Variants in CEACAM20 observed in about 807,000 individuals in gnomAD.
The protein encoded by CEACAM20 is cell adhesion molecule CEACAM20.
A neutral mutation model predicts 61.2 loss-of-function variants in CEACAM20; 50 were observed. That is an observed-to-expected ratio of 0.82 (90% CI 0.65 to 1.03). CEACAM20 has a LOEUF of 1.03. CEACAM20 is among the 50% of genes least tolerant of loss of function. CEACAM20 has a pLI of 0.00. For missense variants in CEACAM20, 683 were observed against 736.4 expected (o/e 0.93, Z 0.84); for synonymous variants, 282 against 287.7 (o/e 0.98, Z 0.20).
chr19:44,522,646 C>T lies in CEACAM20; in HGVS notation c.739G>A (p.Val247Ile), dbSNP rs773887584. 17 of 1,613,100 alleles carry T rather than the reference C, an allele frequency of 1.1e-5. No homozygotes were observed. The East Asian group carries it at 1.8e-4, about 17-fold the overall frequency. Residue 247 changes from valine (V) to isoleucine (I), a missense_variant, in exon 4 of 12, where the codon GTC becomes ATC. By Grantham distance (29) the Val-to-Ile change is conservative. Transcript: ENST00000614924. ...AAAGGAGACTCACCAAGTACTCGGA[C>T]CTTCAGAGTACCCAGGCTGGACAGG... ...THLSSLGTLKVRVLETLTMPQ... is the reference protein window; with the variant it reads ...THLSSLGTLKIRVLETLTMPQ...
chr19:44,517,211 T>G lies in CEACAM20; in HGVS notation c.1044A>C (p.Gln348His). ...LELTINYGPD[Q>H]VHITRESASE... ...ATGCCGACTCCCTGGTGATGTGCAC[T>G]TGGTCAGGACCATCTGTGTGTAAAG... is the stretch of plus-strand genomic sequence containing the variant. The change falls in exon 6 of 12, where the codon CAA becomes CAC. Residue 348 changes from glutamine (Q) to histidine (H), a missense_variant. Physicochemically the swap from Gln to His is conservative, Grantham distance 24. Coordinates refer to ENST00000614924, the MANE Select transcript of CEACAM20 (RefSeq NM_001102597.3). The G allele has an allele frequency of 6.2e-7, 1 of 1,606,308 alleles. No homozygotes were observed.
intron 9 of CEACAM20, 126 bp downstream of exon 9, chr19:44,511,891 G>T: frequency 1.0e-6 from 1 of 968,798 alleles, no homozygotes; most frequent in Non-Finnish European, 1.6e-6. Context: ...CAGAGGAGGA[G>T]ATGCAGAGAG....
chr19:44,523,857 A>T (rs1971442408), intron 3 of CEACAM20, 129 bp downstream of exon 3: 7 of 1,019,266 alleles, frequency 6.9e-6, no homozygotes, highest in Middle Eastern at 3.3e-4. Flanking sequence ...GAGATGTCAA[A>T]CAGTTATATG....
At chr19:44,525,600 G>A (rs888033169) in intron 1 of CEACAM20, among the ~76,000 whole-genome samples, 4 of 152,094 alleles carry the variant, frequency 2.6e-5, no homozygotes, top group African/African-American at 7.2e-5. Context: ...AGGCCACCAT[G>A]CCCGGCTAAT....
intron 3 of CEACAM20, among the ~76,000 whole-genome samples, chr19:44,523,433 GAATGAA>G (rs1971430975): frequency 6.6e-6 from 1 of 151,998 alleles, no homozygotes; most frequent in Non-Finnish European, 1.5e-5. Context: ...ATGAATGAAT[GAATGAA>G]TGAATGAATA....
At chr19:44,510,843 G>A (rs1303125772) in intron 11 of CEACAM20, among the ~76,000 whole-genome samples, 187 bp downstream of exon 11, 4 of 152,168 alleles carry the variant, frequency 2.6e-5, no homozygotes, top group East Asian at 1.9e-4. Flanking sequence ...AATGGAGTGC[G>A]TTGGAAAGGA....
rs1289656569 is a variant in CEACAM20 at position 44,529,517 on chromosome 19, G to A, written c.-8C>T. ...TGAGTCAGCAGGCCCCATGGGTCCCGGCACCTGACTTCAGTGTGCCAGGCC... is the reference window on the plus strand; with the variant it reads ...TGAGTCAGCAGGCCCCATGGGTCCCAGCACCTGACTTCAGTGTGCCAGGCC... On this transcript the variant is annotated 5_prime_UTR_variant, in exon 1 of 12. Coordinates refer to ENST00000614924, the MANE Select transcript of CEACAM20 (RefSeq NM_001102597.3). The A allele has an allele frequency of 5.6e-6, 9 of 1,613,464 alleles. No homozygotes were observed. The highest frequency in any genetic ancestry group is 7.6e-6 in the Non-Finnish European group (9 of 1,179,706).
At chr19:44,522,529 C>T (rs1971395605) in intron 4 of CEACAM20, 105 bp downstream of exon 4, 4 of 1,232,914 alleles carry the variant, frequency 3.2e-6, no homozygotes, top group African/African-American at 1.5e-5. Flanking sequence ...TTCTCCCTCA[C>T]ACAGTATCCA....
chr19:44,528,429 TTGGCTAGGC>T (rs1367930547), intron 1 of CEACAM20, among the ~76,000 whole-genome samples: 1 of 152,152 alleles, frequency 6.6e-6, no homozygotes, highest in Non-Finnish European at 1.5e-5. Context: ...TTTCACCATC[TTGGCTAGGC>T]TGGTCTTGAA....
chr19:44,511,759 A>C, intron 9 of CEACAM20, 87 bp from the exon 10 acceptor site: 1 of 1,318,588 alleles, frequency 7.6e-7, no homozygotes, highest in Non-Finnish European at 1.1e-6. Context: ...TTGGCCTCAG[A>C]GGCAATTATA....
Position 44,511,620 on chromosome 19 carries a change from C to G in CEACAM20, c.1611+17G>C, listed in dbSNP as rs745451425. 95 of 1,610,812 alleles carry G rather than the reference C, an allele frequency of 5.9e-5. No individual in the cohort carries two copies. The highest frequency in any genetic ancestry group is 3.3e-4 in the Middle Eastern group (2 of 6,080). On this transcript the variant is annotated intron_variant, in intron 10 of 11. Coordinates refer to ENST00000614924, the MANE Select transcript of CEACAM20 (RefSeq NM_001102597.3). ...CCTTCATAGATTCTTTAACCAAACC[C>G]AGCAGGGCCAATGTACCTCATAGGT...
chr19:44,520,594 C>T lies in CEACAM20; in HGVS notation c.910G>A (p.Ala304Thr). 1 of 1,614,018 alleles carries T rather than the reference C, an allele frequency of 6.2e-7. No homozygotes were observed. The highest frequency in any genetic ancestry group is 2.2e-5 in the East Asian group (1 of 44,876). ...LLPSEHLQLS[A>T]DNRTLIIHGL... ...TGGATGATTAGGGTCCTGTTGTCAG[C>T]TGACAGCTGCAGGTGCTCACTGGGC... Residue 304 changes from alanine to threonine, a missense_variant, in exon 5 of 12, where the codon GCT becomes ACT. Physicochemically the swap from Ala to Thr is moderately conservative, Grantham distance 58 (BLOSUM62 0). Coordinates refer to ENST00000614924, the MANE Select transcript of CEACAM20 (RefSeq NM_001102597.3).
intron 4 of CEACAM20, 93 bp from the exon 5 acceptor site, chr19:44,520,845 CGTGTGT>C (rs57244256): frequency 0.12 from 114,544 of 963,190 alleles, 9,288 homozygotes; most frequent in African/African-American, 0.46. Flanking sequence ...GGAGTGCGTG[CGTGTGT>C]GTGTGTGTGT....
chr19:44,510,225 G>A (rs1970930689), intron 11 of CEACAM20, among the ~76,000 whole-genome samples: 1 of 152,016 alleles, frequency 6.6e-6, no homozygotes, highest in African/African-American at 2.4e-5. Context: ...AAAAGGCATG[G>A]AATGAGCCAG....
At chr19:44,527,516 T>C (rs1171580161) in intron 1 of CEACAM20, among the ~76,000 whole-genome samples, 1 of 152,144 alleles carries the variant, frequency 6.6e-6, no homozygotes, top group Non-Finnish European at 1.5e-5. Context: ...AGTGAAATGA[T>C]GTAAGCAAAA....
rs1221175552 is a variant in CEACAM20 at position 44,511,010 on chromosome 19, T to A, written c.1737+20A>T. The A allele has an allele frequency of 6.2e-7, 1 of 1,613,570 alleles. No homozygotes were observed. Among genetic ancestry groups the A allele is most frequent in the African/African-American group, 1.3e-5 (1 of 74,918 alleles). On this transcript the variant is annotated intron_variant, in intron 11 of 11. Coordinates refer to ENST00000614924, the MANE Select transcript of CEACAM20 (RefSeq NM_001102597.3). ...GACAGATTTCCACCTGTCCAAAGAC[T>A]CAGTGTGGCATAAACATACCTCATA... is the stretch of plus-strand genomic sequence containing the variant.
Position 44,517,186 on chromosome 19 carries a change from A to G in CEACAM20, c.1069T>C (p.Ser357Pro). 2 of 1,611,044 alleles carry G rather than the reference A, an allele frequency of 1.2e-6. No homozygotes were observed. The highest frequency in any genetic ancestry group is 2.2e-5 in the South Asian group (2 of 91,076). ...DQVHITRESASEMISTIEAEL... is the reference protein window; with the variant it reads ...DQVHITRESAPEMISTIEAEL... ...GCCTCTATGGTGCTGATCATCTCAG[A>G]TGCCGACTCCCTGGTGATGTGCACT... is the stretch of plus-strand genomic sequence containing the variant. Residue 357 changes from serine (S) to proline (P), a missense_variant, in exon 6 of 12, where the codon TCT becomes CCT. Coordinates refer to ENST00000614924, the MANE Select transcript of CEACAM20 (RefSeq NM_001102597.3).
chr19:44,520,537 C>T lies in CEACAM20; in HGVS notation c.967G>A (p.Ala323Thr), dbSNP rs1488316915. The T allele has an allele frequency of 6.2e-7, 1 of 1,613,908 alleles. No individual in the cohort carries two copies. Among genetic ancestry groups the T allele is most frequent in the Non-Finnish European group, 8.5e-7 (1 of 1,179,914 alleles). The change falls in exon 5 of 12, where the codon GCC becomes ACC. Residue 323 changes from alanine (A) to threonine (T), a missense_variant. By Grantham distance (58) the Ala-to-Thr change is moderately conservative. Coordinates refer to ENST00000614924, the MANE Select transcript of CEACAM20 (RefSeq NM_001102597.3). ...GLQRNDTGPY[A>T]CEVWNWGSRA... is the part of the protein sequence containing the mutation. ...CTGCCCCAGTTCCAGACCTCACAGG[C>T]ATAGGGCCCGGTGTCATTCCGCTGG...
chr19:44,511,687 A>T lies in CEACAM20; in HGVS notation c.1576-15T>A, dbSNP rs1311567191. On this transcript the variant is annotated splice_polypyrimidine_tract_variant and intron_variant, in intron 9 of 11. Coordinates refer to ENST00000614924, the MANE Select transcript of CEACAM20 (RefSeq NM_001102597.3). Reference sequence around the variant, plus strand: ...GGTGGTTGCATCTGGGGAAAAACAAAGTTGCAGAGAGGTCATAGGGCTTGG... The same window carrying T: ...GGTGGTTGCATCTGGGGAAAAACAATGTTGCAGAGAGGTCATAGGGCTTGG... 6.2e-7 allele frequency: 1 copy of T among 1,611,692 alleles called. No individual in the cohort carries two copies. Among genetic ancestry groups the T allele is most frequent in the Non-Finnish European group, 8.5e-7 (1 of 1,179,144 alleles).
Sources: allele counts gnomAD v4.1 joint callset (sites outside exome capture counted in the v4.1 genomes callset), GRCh38; gene constraint gnomAD v4.1.1; transcripts MANE v1.5; gene names NCBI Gene and HGNC (gene_info 2026-07-23, HGNC 2026-07-21).